VANGL1: variants seen among roughly 807,000 people sequenced by gnomAD.
The protein encoded by VANGL1 is VANGL planar cell polarity protein 1.
Under a neutral mutation model 48.4 loss-of-function variants are expected in VANGL1, and 18 were observed. The ratio of observed to expected loss-of-function variants is 0.37; its 90% confidence interval spans 0.26 to 0.55. The LOEUF is 0.55. Among genes scored for constraint, VANGL1 ranks in the 20% least tolerant of loss-of-function variants. The probability of loss-of-function intolerance (pLI) is 0.81; values close to 1 mark genes in which losing one functional copy is unlikely to be tolerated. For missense variants in VANGL1, 667 were observed against 675.8 expected (o/e 0.99, Z 0.14); for synonymous variants, 257 against 261.8 (o/e 0.98, Z 0.18).
rs144873716 is a variant in VANGL1, at chr1:115,687,874, C to T, written c.1314+2347C>T. Among the ~76,000 whole-genome samples, 17 of 135,822 alleles carry T rather than the reference C, an allele frequency of 1.3e-4. 3 individuals carry two copies. In the East Asian group the frequency reaches 3.5e-3, roughly 28 times the overall value. The allele number at this position is 135,822 out of a possible 152,430, so 89.1% of individuals were successfully genotyped here. ...CTCCTCAGCTCAAGTAATCTACCTG[C>T]CTCAGCCTTGCAAAGTGCTAGTATT... On this transcript the variant is annotated intron_variant, in intron 7 of 7. Coordinates refer to ENST00000355485, the MANE Select transcript of VANGL1 (RefSeq NM_138959.3).
intron 4 of VANGL1, among the ~76,000 whole-genome samples, chr1:115,675,596 G>T (rs192762307): frequency 6.1e-4 from 93 of 151,752 alleles, no homozygotes; most frequent in African/African-American, 2.1e-3. Context: ...GGTCAGGAGT[G>T]CAAGACCAGC....
At chr1:115,677,357 G>A (rs1372013512) in intron 4 of VANGL1, among the ~76,000 whole-genome samples, 1 of 152,218 alleles carries the variant, frequency 6.6e-6, no homozygotes, top group Non-Finnish European at 1.5e-5. Flanking sequence ...AAAGACCACA[G>A]CATTTCTCAT....
At chr1:115,650,177 C>T (rs1652088273) in intron 1 of VANGL1, among the ~76,000 whole-genome samples, 1 of 152,132 alleles carries the variant, frequency 6.6e-6, no homozygotes, top group African/African-American at 2.4e-5. Flanking sequence ...TGGCCTCCTC[C>T]CAGGAGGGTT....
rs1458592023 is a variant in VANGL1 at position 115,656,328 on chromosome 1, G to A, written c.72-3313G>A. Among the ~76,000 whole-genome samples, 4 of 152,214 alleles carry A rather than the reference G, an allele frequency of 2.6e-5. No homozygotes were observed. The East Asian group carries it at 7.7e-4, about 29-fold the overall frequency. ...TATATACAGGGCATTTCACAAAGAA[G>A]CAAACTTCCAAGCAGTCACTCAGCA... On this transcript the variant is annotated intron_variant, in intron 2 of 7. Coordinates refer to ENST00000355485, the MANE Select transcript of VANGL1 (RefSeq NM_138959.3).
At chr1:115,688,789 CTTT>C (rs375754395) in intron 7 of VANGL1, among the ~76,000 whole-genome samples, 1 of 124,204 alleles carries the variant, frequency 8.1e-6, no homozygotes, top group Admixed American at 8.5e-5. Flanking sequence ...TATATTTCTT[CTTT>C]TTTTTTTTTT....
At chr1:115,687,286 C>T (rs1350060178) in intron 7 of VANGL1, among the ~76,000 whole-genome samples, 1 of 138,474 alleles carries the variant, frequency 7.2e-6, no homozygotes, top group Non-Finnish European at 1.6e-5. Context: ...TGGTGTATCA[C>T]CTGTTGAATC....
Position 115,659,595 on chromosome 1 carries a change from G to T in VANGL1, c.72-46G>T, listed in dbSNP as rs375438279. Reference sequence around the variant, plus strand: ...ACTTACATTTTGATAAACCCAGAGAGTTAATTAACATGGCATAAATGTGCT... The same window carrying T: ...ACTTACATTTTGATAAACCCAGAGATTTAATTAACATGGCATAAATGTGCT... On this transcript the variant is annotated intron_variant, in intron 2 of 7. Coordinates refer to ENST00000355485, the MANE Select transcript of VANGL1 (RefSeq NM_138959.3). 2.0e-5 allele frequency: 32 copies of T among 1,612,636 alleles called. No individual in the cohort carries two copies. In the African/African-American group the frequency reaches 3.9e-4, roughly 20 times the overall value.
At chr1:115,681,361 A>T (rs1490103513) in intron 4 of VANGL1, among the ~76,000 whole-genome samples, 3 of 86,248 alleles carry the variant, frequency 3.5e-5, no homozygotes. Flanking sequence ...AGGACCAAGC[A>T]GGGGATAGTT....
intron 1 of VANGL1, among the ~76,000 whole-genome samples, chr1:115,647,073 A>G (rs1298633242): frequency 1.3e-5 from 2 of 152,174 alleles, no homozygotes; most frequent in African/African-American, 4.8e-5. Context: ...AGATTTTTGT[A>G]TTTTATTTAA....
chr1:115,685,628 G>A, intron 7 of VANGL1, 101 bp downstream of exon 7: 1 of 1,208,254 alleles, frequency 8.3e-7, no homozygotes, highest in Non-Finnish European at 1.2e-6. Context: ...AAATCGAAAG[G>A]CATCTCTAAA....
At chr1:115,663,032 G>T (rs12130617) in intron 3 of VANGL1, among the ~76,000 whole-genome samples, 18 of 151,896 alleles carry the variant, frequency 1.2e-4, no homozygotes, top group Non-Finnish European at 4.4e-5. Context: ...TGATCCGTCC[G>T]CCTCGGCCTT....
intron 3 of VANGL1, among the ~76,000 whole-genome samples, chr1:115,661,619 T>C (rs1418016687): frequency 1.3e-5 from 2 of 152,022 alleles, no homozygotes; most frequent in Non-Finnish European, 2.9e-5. Flanking sequence ...TTTTTTGTTG[T>C]TGTTTGTTTG....
intron 1 of VANGL1, among the ~76,000 whole-genome samples, chr1:115,648,057 G>GGGAGA (rs1320104708): frequency 6.6e-6 from 1 of 152,154 alleles, no homozygotes; most frequent in Non-Finnish European, 1.5e-5. Context: ...ACGTGATGAG[G>GGGAGA]GGAGAGGAGA....
In VANGL1 at chr1:115,693,986, T is replaced by TA. The variant is rs1205871712; in HGVS notation, c.*2610dup. The stretch of plus-strand genomic sequence containing the variant: ...TTATTAAAATTAGAGCATTGAGTGT[T>TA]AAAGAACTTAATGAGGAGTCTATAT... On this transcript the variant is annotated 3_prime_UTR_variant, in exon 8 of 8. Coordinates refer to ENST00000355485, the MANE Select transcript of VANGL1 (RefSeq NM_138959.3). 1.3e-5 allele frequency: 2 copies of TA among 152,230 alleles called. No individual in the cohort carries two copies. The highest frequency in any genetic ancestry group is 2.9e-5 in the Non-Finnish European group (2 of 68,042). The allele number at this position is 152,230 out of a possible 1,614,324, so 9.4% of individuals were successfully genotyped here. A position where few individuals can be genotyped will look rare whatever the true frequency, so the allele number is the denominator to read the frequency against.
Position 115,651,404 on chromosome 1 carries a change from C to T in VANGL1, c.-10C>T, listed in dbSNP as rs1441317859. 2 of 1,613,592 alleles carry T rather than the reference C, an allele frequency of 1.2e-6. No homozygotes were observed. The highest frequency in any genetic ancestry group is 1.7e-6 in the Non-Finnish European group (2 of 1,179,802). On this transcript the variant is annotated 5_prime_UTR_variant, in exon 2 of 8. Transcript: ENST00000355485. Reference sequence around the variant, plus strand: ...CCTGCTCCTTCCTCAAGCGCAAGCCCTCCATTGCTATGGATACCGAATCCA... The same window carrying T: ...CCTGCTCCTTCCTCAAGCGCAAGCCTTCCATTGCTATGGATACCGAATCCA...
At position 115,691,165 on chromosome 1, in the gene VANGL1, A is replaced by T; in HGVS notation, c.1361A>T (p.Asp454Val). ...YLSAGPTLQYDKDRWLSTQWR... is the reference protein window; with the variant it reads ...YLSAGPTLQYVKDRWLSTQWR... ...AGTGCGGGCCCCACCCTGCAATATGACAAGGACCGCTGGCTCTCTACACAG... is the reference window on the plus strand; with the variant it reads ...AGTGCGGGCCCCACCCTGCAATATGTCAAGGACCGCTGGCTCTCTACACAG... Residue 454 changes from aspartate to valine, a missense_variant, in exon 8 of 8, where the codon GAC (aspartate) becomes GTC (valine). By Grantham distance (152) the Asp-to-Val change is radical. Coordinates refer to ENST00000355485, the MANE Select transcript of VANGL1 (RefSeq NM_138959.3). 6.2e-7 allele frequency: 1 copy of T among 1,614,084 alleles called. No individual in the cohort carries two copies. The highest frequency in any genetic ancestry group is 1.3e-5 in the African/African-American group (1 of 74,996).
rs1335221716 is a variant in VANGL1, at chr1:115,689,356, G to A, written c.1315-1763G>A. ...TGAATAAAAGAGGATACCGGGCCGG[G>A]CGCGGTGGCTCACACCTGTAATCCC... On this transcript the variant is annotated intron_variant, in intron 7 of 7. Coordinates refer to ENST00000355485, the MANE Select transcript of VANGL1 (RefSeq NM_138959.3). 2.2e-5 allele frequency among the ~76,000 whole-genome samples: 3 copies of A among 136,480 alleles called. 1 individual carries two copies. The highest frequency in any genetic ancestry group is 5.5e-5 in the African/African-American group (2 of 36,126). 89.5% of individuals were successfully genotyped at this position (136,480 alleles called of 152,430 possible). A position where few individuals can be genotyped will look rare whatever the true frequency, so the allele number is the denominator to read the frequency against.
rs1653993737 is a variant in VANGL1 at position 115,695,278 on chromosome 1, G to A, written c.*3899G>A. 6.6e-6 allele frequency: 1 copy of A among 152,606 alleles called. No homozygotes were observed. Among genetic ancestry groups the A allele is most frequent in the Non-Finnish European group, 1.5e-5 (1 of 68,038 alleles). The allele number at this position is 152,606 out of a possible 1,614,324, so 9.5% of individuals were successfully genotyped here. A position where few individuals can be genotyped will look rare whatever the true frequency, so the allele number is the denominator to read the frequency against. On this transcript the variant is annotated 3_prime_UTR_variant, in exon 8 of 8. Transcript: ENST00000355485. ...GTGATAGGTTACTTACAGTAGCACA[G>A]AAATGTTAGCATATTTATTTAAATA...
intron 4 of VANGL1, among the ~76,000 whole-genome samples, chr1:115,671,983 G>C (rs1004837803): frequency 6.6e-6 from 1 of 152,214 alleles, no homozygotes; most frequent in Non-Finnish European, 1.5e-5. Flanking sequence ...GGGTGCATAT[G>C]TTGACAACCT....
Sources: allele counts gnomAD v4.1 joint callset (sites outside exome capture counted in the v4.1 genomes callset), GRCh38; gene constraint gnomAD v4.1.1; transcripts MANE v1.5; gene names NCBI Gene and HGNC (gene_info 2026-07-23, HGNC 2026-07-21).